Variants in FARP1 observed in about 807,000 individuals in gnomAD.
FARP1 encodes FERM, ARHGEF and pleckstrin domain-containing protein 1.
Under a neutral mutation model 128.8 loss-of-function variants are expected in FARP1, and 52 were observed. The ratio of observed to expected loss-of-function variants is 0.40; its 90% confidence interval spans 0.32 to 0.51. The LOEUF (loss-of-function observed/expected upper bound fraction) is 0.51. Among genes scored for constraint, FARP1 ranks in the 20% least tolerant of loss-of-function variants. The pLI is 0.45. For missense variants in FARP1, 1,333 were observed against 1,367.9 expected (o/e 0.97, Z 0.40); for synonymous variants, 580 against 551.8 (o/e 1.05, Z -0.72).
intron 16 of FARP1, among the ~76,000 whole-genome samples, chr13:98,419,896 A>G (rs1891530770): frequency 6.6e-6 from 1 of 152,028 alleles, no homozygotes; most frequent in Non-Finnish European, 1.5e-5. Flanking sequence ...AGAGAAGGGG[A>G]GAGCTGGGTG....
intron 2 of FARP1, among the ~76,000 whole-genome samples, chr13:98,343,179 G>C (rs187066195): frequency 2.0e-5 from 3 of 152,120 alleles, no homozygotes; most frequent in African/African-American, 7.2e-5. Flanking sequence ...ATCAGTGTTC[G>C]CCAGGGATTA....
chr13:98,402,043 T>G (rs1443974718), intron 13 of FARP1: 2 of 152,150 alleles, frequency 1.3e-5, no homozygotes, highest in Non-Finnish European at 2.9e-5. Context: ...TGTTTGAAAG[T>G]AGGGAAGATT....
Position 98,454,830 on chromosome 13 carries a change from A to G in FARP1, c.*6513A>G, listed in dbSNP as rs1022668326. 2.0e-5 allele frequency: 3 copies of G among 152,244 alleles called. No homozygotes were observed. The highest frequency in any genetic ancestry group is 7.2e-5 in the African/African-American group (3 of 41,452). The allele number at this position is 152,244 out of a possible 1,614,324, so 9.4% of individuals were successfully genotyped here. A position where few individuals can be genotyped will look rare whatever the true frequency, so the allele number is the denominator to read the frequency against. On this transcript the variant is annotated 3_prime_UTR_variant, in exon 27 of 27. Transcript: ENST00000319562. ...CCAAGCCTGCAGAGAGATGATAAGC[A>G]CCTCAAGAGGCAGCTCATCTGAGGA...
intron 2 of FARP1, among the ~76,000 whole-genome samples, chr13:98,317,004 G>GC (rs1160322838): frequency 1.3e-5 from 2 of 152,186 alleles, no homozygotes; most frequent in African/African-American, 4.8e-5. Flanking sequence ...TACAGTTTTT[G>GC]CAAGTGTAGG....
chr13:98,193,239 G>A (rs1879355963), intron 1 of FARP1, among the ~76,000 whole-genome samples: 1 of 152,102 alleles, frequency 6.6e-6, no homozygotes, highest in Non-Finnish European at 1.5e-5. Flanking sequence ...TGTATTTTTA[G>A]TAGAGACAGG....
intron 2 of FARP1, among the ~76,000 whole-genome samples, chr13:98,313,499 C>A (rs1423396915): frequency 1.3e-5 from 2 of 152,226 alleles, no homozygotes; most frequent in African/African-American, 4.8e-5. Flanking sequence ...GGAACCGGCC[C>A]TGCTAATGCC....
At chr13:98,187,522 G>A (rs531395237) in intron 1 of FARP1, among the ~76,000 whole-genome samples, 1 of 152,290 alleles carries the variant, frequency 6.6e-6, no homozygotes, top group South Asian at 2.1e-4. Context: ...TGGTAAGGAA[G>A]GGGGCTCTGT....
chr13:98,411,458 T>C (rs1016588513), intron 15 of FARP1, among the ~76,000 whole-genome samples: 2 of 152,138 alleles, frequency 1.3e-5, no homozygotes, highest in Non-Finnish European at 2.9e-5. Context: ...GGAGTGACTT[T>C]GTGTGAAGGC....
At chr13:98,443,904 A>G (rs1013785095) in intron 24 of FARP1, among the ~76,000 whole-genome samples, 6 of 6,776 alleles carry the variant, frequency 8.9e-4, no homozygotes, top group African/African-American at 1.0e-3. Context: ...CAGTGAGGCC[A>G]GGGAGTGGCG....
intron 2 of FARP1, among the ~76,000 whole-genome samples, chr13:98,273,266 C>A (rs904575043): frequency 2.0e-5 from 3 of 152,204 alleles, no homozygotes; most frequent in Admixed American, 6.5e-5. Context: ...ATAAGGACGT[C>A]TGTTAACCAA....
At chr13:98,245,477 TAG>T (rs1268928605) in intron 2 of FARP1, among the ~76,000 whole-genome samples, 3 of 152,024 alleles carry the variant, frequency 2.0e-5, no homozygotes, top group Non-Finnish European at 4.4e-5. Flanking sequence ...TTGAAACAAT[TAG>T]AGTGACACAG....
At chr13:98,232,657 A>G (rs145384808) in intron 2 of FARP1, among the ~76,000 whole-genome samples, 119 of 152,322 alleles carry the variant, frequency 7.8e-4, no homozygotes, top group Middle Eastern at 3.4e-3. Flanking sequence ...AGACTACAGT[A>G]TGGTGTAAAC....
intron 2 of FARP1, among the ~76,000 whole-genome samples, chr13:98,300,853 G>A (rs1330647504): frequency 1.5e-5 from 2 of 136,834 alleles, no homozygotes; most frequent in African/African-American, 4.9e-5. Context: ...TGCTGCTGCC[G>A]ACTTGGGGGC....
At chr13:98,261,792 A>G (rs7326622) in intron 2 of FARP1, among the ~76,000 whole-genome samples, 16,107 of 151,790 alleles carry the variant, frequency 0.11, 2,908 homozygotes, top group African/African-American at 0.37. Flanking sequence ...TACAACCAAC[A>G]CTCTCCTGAG....
chr13:98,435,282 C>G, intron 18 of FARP1: 1 of 217,926 alleles, frequency 4.6e-6, no homozygotes, highest in Non-Finnish European at 9.0e-6. Context: ...CAGTCTTCTT[C>G]CCCCGTGTCT....
chr13:98,255,748 A>G (rs764132838), intron 2 of FARP1, among the ~76,000 whole-genome samples: 6 of 152,238 alleles, frequency 3.9e-5, no homozygotes, highest in Non-Finnish European at 8.8e-5. Flanking sequence ...TCTTAATAAA[A>G]CAGAGACCCT....
intron 2 of FARP1, among the ~76,000 whole-genome samples, chr13:98,260,132 C>T (rs1035136916): frequency 6.6e-6 from 1 of 152,068 alleles, no homozygotes; most frequent in Non-Finnish European, 1.5e-5. Flanking sequence ...TGGGTAAATA[C>T]AAGTTTTAAA....
intron 5 of FARP1, among the ~76,000 whole-genome samples, chr13:98,373,519 G>GAGACAGACAGAC (rs1198336789): frequency 1.6e-5 from 2 of 127,180 alleles, no homozygotes; most frequent in African/African-American, 6.0e-5. Context: ...TGACTTTCCA[G>GAGACAGACAGAC]AGACAGACAG....
intron 17 of FARP1, among the ~76,000 whole-genome samples, chr13:98,426,889 C>G (rs548317674): frequency 6.6e-6 from 1 of 152,166 alleles, no homozygotes; most frequent in African/African-American, 2.4e-5. Context: ...CTGAAGTTAA[C>G]GTATTTTATC....
Sources: gnomAD v4.1 joint callset for allele counts (sites outside exome capture counted in the v4.1 genomes callset) on GRCh38, gnomAD v4.1.1 for gene constraint, MANE v1.5 for transcripts, NCBI Gene and HGNC (gene_info 2026-07-23, HGNC 2026-07-21) for gene names.